The following MINDY2 variants were observed in gnomAD, a reference collection of about 807,000 sequenced individuals.
The protein encoded by MINDY2 is MINDY lysine 48 deubiquitinase 2, also known as ubiquitin carboxyl-terminal hydrolase MINDY-2.
MINDY2 carries 52 observed loss-of-function variants against 68.2 expected under a neutral mutation model. The ratio of observed to expected loss-of-function variants is 0.76; its 90% CI spans 0.61 to 0.96. The LOEUF (loss-of-function observed/expected upper bound fraction) is 0.96, where lower values mean the gene tolerates loss of function less well. MINDY2 is among the 40% of genes least tolerant of loss of function. MINDY2 has a pLI of 0.00. For missense variants in MINDY2, 881 were observed against 773.4 expected, an observed-to-expected ratio of 1.14 and a Z score of -1.65; for synonymous variants, 372 against 303.0, an observed-to-expected ratio of 1.23 and a Z score of -2.36.
chr15:58,772,432 C>T (rs1335447354), intron 1 of MINDY2, among the ~76,000 whole-genome samples, 197 bp downstream of exon 1: 3 of 152,208 alleles, frequency 2.0e-5, no homozygotes, highest in Non-Finnish European at 4.4e-5. Context: ...CCCCTAACCT[C>T]AGTCTTCTCT....
intron 4 of MINDY2, among the ~76,000 whole-genome samples, chr15:58,814,225 C>T (rs1484922043): frequency 6.6e-6 from 1 of 152,194 alleles, no homozygotes; most frequent in Non-Finnish European, 1.5e-5. Flanking sequence ...CAGGCGTGAG[C>T]CATCGCACCC....
In MINDY2 at chr15:58,779,002, C is replaced by G. The variant is rs557949867; in HGVS notation, c.840+6767C>G. On this transcript the variant is annotated intron_variant, in intron 1 of 8. Transcript: ENST00000559228. ...TTCTTGAACTCCTGACCTCAAGTGA[C>G]CTGCCCGCCTCAGCCTTCCAAACTA... Among the ~76,000 whole-genome samples, 8 of 151,592 alleles carry G rather than the reference C, an allele frequency of 5.3e-5. No individual in the cohort carries two copies. The East Asian group carries it at 1.6e-3, about 29-fold the overall frequency.
intron 6 of MINDY2, among the ~76,000 whole-genome samples, chr15:58,841,336 C>T (rs779471998): frequency 1.3e-5 from 2 of 151,536 alleles, no homozygotes; most frequent in African/African-American, 4.9e-5. Flanking sequence ...GATACAGTGG[C>T]TTACGGCTAT....
At chr15:58,815,129 C>T (rs772266193) in intron 4 of MINDY2, 1 of 151,950 alleles carries the variant, frequency 6.6e-6, no homozygotes, top group Non-Finnish European at 1.5e-5. Context: ...GTATGTGGTT[C>T]GAGGAAAGGG....
intron 5 of MINDY2, among the ~76,000 whole-genome samples, chr15:58,830,148 G>C (rs1436204119): frequency 6.6e-6 from 1 of 152,100 alleles, no homozygotes; most frequent in Non-Finnish European, 1.5e-5. Flanking sequence ...ATTATTCATG[G>C]TAGCTATGTT....
intron 1 of MINDY2, among the ~76,000 whole-genome samples, chr15:58,782,911 GT>G (rs1157376592): frequency 0.017 from 1,123 of 64,458 alleles, 18 homozygotes; most frequent in African/African-American, 0.064. Flanking sequence ...TTTTCTCTCT[GT>G]TTTTTTTTTT....
intron 4 of MINDY2, among the ~76,000 whole-genome samples, chr15:58,816,249 G>A (rs2030679918): frequency 6.6e-6 from 1 of 152,136 alleles, no homozygotes; most frequent in Non-Finnish European, 1.5e-5. Context: ...TATAAGCAAG[G>A]CAACTCTGAG....
At chr15:58,844,638 C>T (rs1421108399) in intron 6 of MINDY2, among the ~76,000 whole-genome samples, 1 of 150,460 alleles carries the variant, frequency 6.6e-6, no homozygotes, top group Non-Finnish European at 1.5e-5. Context: ...AAACGTCAGG[C>T]CAGGCGCGGT....
intron 1 of MINDY2, among the ~76,000 whole-genome samples, chr15:58,776,944 C>A (rs1437586686): frequency 6.6e-6 from 1 of 152,058 alleles, no homozygotes; most frequent in Non-Finnish European, 1.5e-5. Context: ...AACCATTGAA[C>A]TAATAAGTAG....
At chr15:58,810,127 G>T (rs2030127803) in intron 3 of MINDY2, 103 bp from the exon 4 acceptor site, 1 of 1,038,784 alleles carries the variant, frequency 9.6e-7, no homozygotes, top group Non-Finnish European at 1.4e-6. Context: ...TGAATTTATT[G>T]GATAAAATGG....
intron 3 of MINDY2, among the ~76,000 whole-genome samples, chr15:58,806,616 T>C (rs1446979807): frequency 6.6e-6 from 1 of 152,098 alleles, no homozygotes; most frequent in African/African-American, 2.4e-5. Flanking sequence ...TTGTAGCAAA[T>C]ATATGAAGGT....
At chr15:58,782,912 T>G (rs12899746) in intron 1 of MINDY2, among the ~76,000 whole-genome samples, 1 of 10,170 alleles carries the variant, frequency 9.8e-5, no homozygotes. Context: ...TTTCTCTCTG[T>G]TTTTTTTTTT....
rs1434812754 is a variant in MINDY2, at chr15:58,856,366, T to TGTATGTAAAATA, written c.*1757_*1758insTATGTAAAATAG. 6.6e-6 allele frequency: 1 copy of TGTATGTAAAATA among 152,642 alleles called. No individual in the cohort carries two copies. Among genetic ancestry groups the TGTATGTAAAATA allele is most frequent in the African/African-American group, 2.4e-5 (1 of 41,440 alleles). The allele number at this position is 152,642 out of a possible 1,614,324, so 9.5% of individuals were successfully genotyped here. A position where few individuals can be genotyped will look rare whatever the true frequency, so the allele number is the denominator to read the frequency against. On this transcript the variant is annotated 3_prime_UTR_variant, in exon 9 of 9. Transcript: ENST00000559228. ...TTATGATCCAAGACCAGTTATAGGATGAATCTGTATGTAAAAATAGAGTCT... is the reference window on the plus strand; with the variant it reads ...TTATGATCCAAGACCAGTTATAGGATGTATGTAAAATAGAATCTGTATGTAAAAATAGAGTCT...
At chr15:58,835,437 G>A (rs2031946400) in intron 6 of MINDY2, among the ~76,000 whole-genome samples, 1 of 152,136 alleles carries the variant, frequency 6.6e-6, no homozygotes, top group Admixed American at 6.6e-5. Context: ...TGAATCACTT[G>A]AGGTCAGGAG....
At chr15:58,793,953 T>G (rs561293584) in intron 2 of MINDY2, among the ~76,000 whole-genome samples, 14 of 152,220 alleles carry the variant, frequency 9.2e-5, no homozygotes, top group African/African-American at 3.1e-4. Flanking sequence ...GCCAGCATGG[T>G]GTTATGTTTT....
At chr15:58,827,142 CATT>C (rs2141011106) in intron 5 of MINDY2, among the ~76,000 whole-genome samples, 1 of 152,280 alleles carries the variant, frequency 6.6e-6, no homozygotes, top group East Asian at 1.9e-4. Flanking sequence ...CTGATTATCT[CATT>C]ATTGGTGATG....
Position 58,858,810 on chromosome 15 carries a change from A to G in MINDY2, c.*4200A>G, listed in dbSNP as rs917154587. 4 of 152,158 alleles carry G rather than the reference A, an allele frequency of 2.6e-5. No individual in the cohort carries two copies. Among genetic ancestry groups the G allele is most frequent in the Non-Finnish European group, 5.9e-5 (4 of 67,976 alleles). The allele number at this position is 152,158 out of a possible 1,614,324, so 9.4% of individuals were successfully genotyped here. On this transcript the variant is annotated 3_prime_UTR_variant, in exon 9 of 9. Transcript: ENST00000559228. ...AAAATAAGATGGAGGCATTACAAAT[A>G]GTCTACAGTTTGTATTTTAAGGAAT...
intron 4 of MINDY2, among the ~76,000 whole-genome samples, chr15:58,816,565 C>A (rs2030701963): frequency 6.6e-6 from 1 of 152,028 alleles, no homozygotes; most frequent in Non-Finnish European, 1.5e-5. Context: ...ATCAGCATGC[C>A]CAGCTCACAT....
Position 58,771,572 on chromosome 15 carries a change from C to T in MINDY2, c.177C>T (p.Ala59=), listed in dbSNP as rs557921964. Reference sequence around the variant, plus strand: ...GGAATGGGCTGGGGGCGGCGGCCGCCAGGAGGAGCCTCCCGGACTCGGCTT... The same window carrying T: ...GGAATGGGCTGGGGGCGGCGGCCGCTAGGAGGAGCCTCCCGGACTCGGCTT... The part of the protein sequence containing the change: ...SGGNGLGAAA[A]RRSLPDSASP... The change falls in exon 1 of 9, where the codon GCC becomes GCT. Residue 59 remains alanine, a synonymous_variant. Transcript: ENST00000559228. 1 of 1,611,402 alleles carries T rather than the reference C, an allele frequency of 6.2e-7. No homozygotes were observed. The highest frequency in any genetic ancestry group is 1.7e-5 in the Admixed American group (1 of 59,974).
Sources: allele counts gnomAD v4.1 joint callset (sites outside exome capture counted in the v4.1 genomes callset), GRCh38; gene constraint gnomAD v4.1.1; transcripts MANE v1.5; gene names NCBI Gene and HGNC (gene_info 2026-07-23, HGNC 2026-07-21).